KIAA0319L: variants seen among roughly 807,000 people sequenced by gnomAD.
KIAA0319L encodes KIAA0319 like.
KIAA0319L carries 55 observed loss-of-function variants against 120.1 expected under a neutral mutation model. The observed-to-expected ratio is 0.46, with a 90% CI of 0.37 to 0.57. KIAA0319L has a LOEUF of 0.57. Ranked by LOEUF, KIAA0319L falls within the 20% of genes least tolerant of loss-of-function variation. The probability of loss-of-function intolerance (pLI) is 0.00; values close to 1 mark genes in which losing one functional copy is unlikely to be tolerated. For synonymous variants in KIAA0319L, 398 were observed against 471.9 expected, an observed-to-expected ratio of 0.84 and a Z score of 2.03; for missense variants, 1,049 against 1,255.3, an observed-to-expected ratio of 0.84 and a Z score of 2.48.
Position 35,449,953 on chromosome 1 carries a change from A to G in KIAA0319L, c.2267T>C (p.Val756Ala), listed in dbSNP as rs1477819524. 3.1e-6 allele frequency: 5 copies of G among 1,613,998 alleles called. No homozygotes were observed. The African/African-American group carries it at 5.3e-5, about 17-fold the overall frequency. Residue 756 changes from valine to alanine, a missense_variant, in exon 15 of 21, where the codon GTT becomes GCT. By Grantham distance (64) the Val-to-Ala change is moderately conservative. Transcript: ENST00000325722. ...HHPILFLSNL[V>A]EGTYTFHLKV... ...CAGGTGAAAAGTGTAGGTTCCCTCA[A>G]CCAGGTTTGAAAGAAAAAGGATAGG...
intron 3 of KIAA0319L, among the ~76,000 whole-genome samples, chr1:35,489,261 A>G (rs927530853): frequency 1.3e-5 from 2 of 152,196 alleles, no homozygotes; most frequent in South Asian, 4.1e-4. Context: ...CCAGTCAAGA[A>G]GAAGTAACAG....
intron 2 of KIAA0319L, among the ~76,000 whole-genome samples, chr1:35,536,874 T>G (rs1236299409): frequency 7.1e-6 from 1 of 140,056 alleles, no homozygotes; most frequent in Non-Finnish European, 1.6e-5. Flanking sequence ...GCTATGCACT[T>G]AAAAAAAAAA....
intron 2 of KIAA0319L, among the ~76,000 whole-genome samples, chr1:35,551,475 G>A (rs7529397): frequency 0.041 from 6,277 of 151,976 alleles, 429 homozygotes; most frequent in African/African-American, 0.14. Context: ...ATGCCATCAC[G>A]CCCGGCTAAT....
At chr1:35,517,975 T>C (rs755150452) in intron 2 of KIAA0319L, among the ~76,000 whole-genome samples, 11 of 152,140 alleles carry the variant, frequency 7.2e-5, no homozygotes, top group Non-Finnish European at 1.0e-4. Context: ...AAAAGTTCAA[T>C]ATCACTGATC....
intron 3 of KIAA0319L, among the ~76,000 whole-genome samples, chr1:35,504,465 G>A (rs1020030591): frequency 2.6e-5 from 4 of 152,002 alleles, no homozygotes; most frequent in African/African-American, 9.7e-5. Context: ...CAAAGTGCTG[G>A]GATTACAGGC....
chr1:35,468,478 CT>C (rs1056929902), intron 6 of KIAA0319L, among the ~76,000 whole-genome samples: 12 of 152,168 alleles, frequency 7.9e-5, no homozygotes. Flanking sequence ...CCTCCAGTCC[CT>C]TTCCCCCAGC....
Position 35,548,896 on chromosome 1 carries a change from A to C in KIAA0319L, c.142+5454T>G, listed in dbSNP as rs375210189. Among the ~76,000 whole-genome samples the C allele has an allele frequency of 2.0e-5, 3 of 152,290 alleles. No individual in the cohort carries two copies. The East Asian group carries it at 5.8e-4, about 29-fold the overall frequency. ...TCTTGCATTCCCATTGCATGGGAAT[A>C]CCCTTTGAATCCTTCAAATTCAACC... On this transcript the variant is annotated intron_variant, in intron 2 of 20. Coordinates refer to ENST00000325722, the MANE Select transcript of KIAA0319L (RefSeq NM_024874.5).
In KIAA0319L at chr1:35,437,138, A is replaced by C. The variant is rs1278206367; in HGVS notation, c.2963-2057T>G. 1.3e-5 allele frequency among the ~76,000 whole-genome samples: 2 copies of C among 152,004 alleles called. No homozygotes were observed. The highest frequency in any genetic ancestry group is 4.8e-5 in the African/African-American group (2 of 41,370). ...TGGTCGCACGTTGTTGGTTTTGGTC[A>C]CCTAGATGCCACTGGAACACCCCAT... is the stretch of plus-strand genomic sequence containing the variant. On this transcript the variant is annotated intron_variant, in intron 20 of 20. Transcript: ENST00000325722. The surrounding 1 kb of genome is among the most constrained non-coding windows in gnomAD (Gnocchi z 4.1).
At chr1:35,508,624 C>T (rs183219733) in intron 2 of KIAA0319L, among the ~76,000 whole-genome samples, 14 of 151,510 alleles carry the variant, frequency 9.2e-5, no homozygotes, top group Admixed American at 4.6e-4. Flanking sequence ...ATACCAACTA[C>T]GAAAAAAAAA....
intron 2 of KIAA0319L, among the ~76,000 whole-genome samples, chr1:35,538,212 A>G (rs1646655712): frequency 6.6e-6 from 1 of 152,168 alleles, no homozygotes; most frequent in Non-Finnish European, 1.5e-5. Context: ...TTGACCTAAA[A>G]TGCGTGTATC....
chr1:35,553,376 G>A (rs1054022968), intron 2 of KIAA0319L, among the ~76,000 whole-genome samples: 18 of 149,114 alleles, frequency 1.2e-4, no homozygotes, highest in African/African-American at 4.2e-4. Flanking sequence ...AAACCATGTA[G>A]ATCAGCTTTC....
chr1:35,549,688 T>C (rs1647126061), intron 2 of KIAA0319L, among the ~76,000 whole-genome samples: 1 of 152,206 alleles, frequency 6.6e-6, no homozygotes, highest in Non-Finnish European at 1.5e-5. Context: ...ATTCTTTCTT[T>C]GTATGTGTTA....
chr1:35,489,511 G>A (rs530453065), intron 3 of KIAA0319L, among the ~76,000 whole-genome samples: 1 of 152,060 alleles, frequency 6.6e-6, no homozygotes, highest in Non-Finnish European at 1.5e-5. Context: ...AGCTGAACTG[G>A]AAGTCTGGGA....
At position 35,525,159 on chromosome 1, in the gene KIAA0319L, T is replaced by C. The variant is rs559597641; in HGVS notation, c.143-18024A>G. On this transcript the variant is annotated intron_variant, in intron 2 of 20. Transcript: ENST00000325722. ...ATAATGACCTCTAGTTCTATCCATG[T>C]TGCTGTAAAATACACAATTTCATTC... Among the ~76,000 whole-genome samples the C allele has an allele frequency of 1.1e-4, 16 of 152,344 alleles. No individual in the cohort carries two copies. In the South Asian group the frequency reaches 3.1e-3, roughly 30 times the overall value.
chr1:35,461,685 T>A (rs1452930003), intron 8 of KIAA0319L, among the ~76,000 whole-genome samples: 1 of 152,216 alleles, frequency 6.6e-6, no homozygotes, highest in African/African-American at 2.4e-5. Context: ...ATGATTCTTT[T>A]CACTGTATAC....
chr1:35,528,585 T>G (rs1248046896), intron 2 of KIAA0319L, among the ~76,000 whole-genome samples: 1 of 152,218 alleles, frequency 6.6e-6, no homozygotes, highest in African/African-American at 2.4e-5. Context: ...GAATGTGTAT[T>G]TTGCAGTTGG....
chr1:35,473,206 C>T (rs1643748930), intron 5 of KIAA0319L, among the ~76,000 whole-genome samples: 2 of 150,564 alleles, frequency 1.3e-5, no homozygotes, highest in African/African-American at 4.9e-5. Context: ...AGCGATTCTC[C>T]TGTCTCAGCC....
chr1:35,529,269 A>G (rs1452934573), intron 2 of KIAA0319L, among the ~76,000 whole-genome samples: 2 of 152,198 alleles, frequency 1.3e-5, no homozygotes, highest in Admixed American at 6.5e-5. Context: ...GATATGTGAG[A>G]ACTTACTACT....
At chr1:35,455,932 T>C (rs1217267551) in intron 10 of KIAA0319L, 81 bp downstream of exon 10, 1 of 1,065,454 alleles carries the variant, frequency 9.4e-7, no homozygotes, top group African/African-American at 1.6e-5. Context: ...GCTTTCTCAG[T>C]TTGTTTGGAG....
Sources: gnomAD v4.1 joint callset for allele counts (sites outside exome capture counted in the v4.1 genomes callset) on GRCh38, gnomAD v4.1.1 for gene constraint, Gnocchi (gnomAD v3.1) non-coding constraint, MANE v1.5 for transcripts, NCBI Gene and HGNC (gene_info 2026-07-23, HGNC 2026-07-21) for gene names.